The following NUMB variants were observed in gnomAD, a reference collection of about 807,000 sequenced individuals.
NUMB encodes the protein NUMB endocytic adaptor protein.
NUMB carries 29 observed loss-of-function variants against 59.7 expected under a neutral mutation model. That is an observed-to-expected ratio of 0.49 (90% CI 0.36 to 0.66). NUMB has a LOEUF of 0.66. Among genes scored for constraint, NUMB ranks in the 30% least tolerant of loss-of-function variants. NUMB has a pLI of 0.00. For synonymous variants in NUMB, 288 were observed against 288.2 expected (o/e 1.00, Z 0.01); for missense variants, 723 against 822.0 (o/e 0.88, Z 1.47).
rs369452106 is a variant in NUMB at position 73,367,330 on chromosome 14, C to CATATATATATATAT, written c.-100-363_-100-350dup. On this transcript the variant is annotated intron_variant, in intron 2 of 12. Transcript: ENST00000555238. ...ACACACACACACACACACATATATA[C>CATATATATATATAT]ATATATATATATATATATAGAGAGA... 3.4e-5 allele frequency among the ~76,000 whole-genome samples: 4 copies of CATATATATATATAT among 116,098 alleles called. No homozygotes were observed. In the East Asian group the frequency reaches 7.2e-4, roughly 21 times the overall value. The allele number at this position is 116,098 out of a possible 152,430, so 76.2% of individuals were successfully genotyped here.
At chr14:73,427,360 G>A (rs563013029) in intron 1 of NUMB, among the ~76,000 whole-genome samples, 2 of 152,142 alleles carry the variant, frequency 1.3e-5, no homozygotes, top group East Asian at 1.9e-4. Context: ...TGCTACTCAG[G>A]AGGCTGAGGC....
intron 1 of NUMB, among the ~76,000 whole-genome samples, chr14:73,453,526 G>C (rs926973572): frequency 6.6e-6 from 1 of 151,748 alleles, no homozygotes; most frequent in Non-Finnish European, 1.5e-5. Flanking sequence ...TGTTGCAGCT[G>C]AACATACATC....
intron 8 of NUMB, among the ~76,000 whole-genome samples, chr14:73,289,402 A>G (rs1039203644): frequency 6.6e-6 from 1 of 152,222 alleles, no homozygotes; most frequent in Non-Finnish European, 1.5e-5. Context: ...ATTTTAGACC[A>G]TTTTGCTAAT....
chr14:73,350,070 T>TACACACAC lies in NUMB; in HGVS notation c.126+5555_126+5556insGTGTGTGT, dbSNP rs765736029. The stretch of plus-strand genomic sequence containing the variant: ...ATACATACATACATATATACATACA[T>TACACACAC]ACATACATACACACACACACACACA... On this transcript the variant is annotated intron_variant, in intron 4 of 12. Coordinates refer to ENST00000555238, the MANE Select transcript of NUMB (RefSeq NM_001005743.2). 4.0e-3 allele frequency among the ~76,000 whole-genome samples: 445 copies of TACACACAC among 110,252 alleles called. 3 individuals are homozygous for TACACACAC. The highest frequency in any genetic ancestry group is 9.9e-3 in the African/African-American group (250 of 25,246). 72.3% of individuals were successfully genotyped at this position (110,252 alleles called of 152,430 possible). A position where few individuals can be genotyped will look rare whatever the true frequency, so the allele number is the denominator to read the frequency against.
At chr14:73,364,975 C>A (rs566762784) in intron 3 of NUMB, among the ~76,000 whole-genome samples, 1 of 152,144 alleles carries the variant, frequency 6.6e-6, no homozygotes, top group African/African-American at 2.4e-5. Flanking sequence ...GGGAAAGAAA[C>A]AAAACAGAAG....
intron 5 of NUMB, among the ~76,000 whole-genome samples, chr14:73,319,342 C>G (rs1408542642): frequency 6.6e-6 from 1 of 152,170 alleles, no homozygotes; most frequent in Non-Finnish European, 1.5e-5. Flanking sequence ...GTTGGTGGTA[C>G]AGTGATGAGC....
chr14:73,374,941 G>A (rs141068096), intron 2 of NUMB, among the ~76,000 whole-genome samples: 1 of 151,888 alleles, frequency 6.6e-6, no homozygotes, highest in African/African-American at 2.4e-5. Context: ...GGCTGGTCTC[G>A]AACTCCTGAC....
At chr14:73,391,317 AACTGAAATG>A (rs1174957204) in intron 2 of NUMB, among the ~76,000 whole-genome samples, 1 of 150,448 alleles carries the variant, frequency 6.6e-6, no homozygotes, top group Non-Finnish European at 1.5e-5. Flanking sequence ...ATCTCCTTAG[AACTGAAATG>A]ACTGAAATTA....
At chr14:73,336,155 T>G (rs1838154220) in intron 4 of NUMB, among the ~76,000 whole-genome samples, 1 of 152,218 alleles carries the variant, frequency 6.6e-6, no homozygotes, top group Non-Finnish European at 1.5e-5. Flanking sequence ...AGAACTCTGC[T>G]CTTTTGATTT....
At chr14:73,357,052 C>A (rs1893825162) in intron 3 of NUMB, 8 of 951,690 alleles carry the variant, frequency 8.4e-6, no homozygotes, top group Non-Finnish European at 1.0e-5. Flanking sequence ...TATCGATAAT[C>A]ATTATAGTAA....
intron 4 of NUMB, among the ~76,000 whole-genome samples, chr14:73,349,271 G>C (rs569663418): frequency 1.3e-5 from 2 of 151,850 alleles, no homozygotes; most frequent in African/African-American, 4.8e-5. Context: ...GGCCAACATG[G>C]AGAAACACCA....
intron 1 of NUMB, among the ~76,000 whole-genome samples, chr14:73,431,015 G>A (rs1897804037): frequency 6.6e-6 from 1 of 151,936 alleles, no homozygotes; most frequent in African/African-American, 2.4e-5. Flanking sequence ...CTGGAGTACA[G>A]TAGCGCAATC....
chr14:73,385,273 T>C (rs1392696194), intron 2 of NUMB, among the ~76,000 whole-genome samples: 1 of 150,960 alleles, frequency 6.6e-6, no homozygotes, highest in African/African-American at 2.4e-5. Context: ...CATCCTCCTC[T>C]AGTAGCTGGA....
intron 6 of NUMB, chr14:73,298,240 G>A (rs1187320778): frequency 2.6e-5 from 4 of 152,366 alleles, no homozygotes; most frequent in Non-Finnish European, 5.9e-5. Flanking sequence ...CTGGAGTGCA[G>A]TGGCTATTCA....
At chr14:73,382,487 C>T (rs8015507) in intron 2 of NUMB, among the ~76,000 whole-genome samples, 8,822 of 151,278 alleles carry the variant, frequency 0.058, 717 homozygotes, top group African/African-American at 0.19. Context: ...GGTAGTCTCA[C>T]AGAAAAATTA....
chr14:73,319,011 T>G (rs887170967), intron 5 of NUMB, among the ~76,000 whole-genome samples: 1 of 152,212 alleles, frequency 6.6e-6, no homozygotes. Context: ...CAGTGGCTCA[T>G]GCCTGTAATC....
intron 9 of NUMB, chr14:73,285,236 TG>T (rs1173128209): frequency 1.3e-5 from 2 of 152,194 alleles, no homozygotes; most frequent in African/African-American, 4.8e-5. Flanking sequence ...TTTGAGTAAA[TG>T]TAAGACTGTG....
At chr14:73,289,301 T>C (rs1331054452) in intron 8 of NUMB, among the ~76,000 whole-genome samples, 3 of 152,202 alleles carry the variant, frequency 2.0e-5, no homozygotes, top group African/African-American at 7.2e-5. Context: ...GGAGGACGTA[T>C]ATAAACAAAA....
chr14:73,359,358 T>C (rs968901714), intron 3 of NUMB, among the ~76,000 whole-genome samples: 5 of 152,088 alleles, frequency 3.3e-5, no homozygotes, highest in African/African-American at 1.2e-4. Context: ...GTAATAATAA[T>C]AACAATAAAG....
Sources: allele counts gnomAD v4.1 joint callset (sites outside exome capture counted in the v4.1 genomes callset), GRCh38; gene constraint gnomAD v4.1.1; transcripts MANE v1.5; gene names NCBI Gene and HGNC (gene_info 2026-07-23, HGNC 2026-07-21).